NAALADL2: variants seen among roughly 807,000 people sequenced by gnomAD.
The protein encoded by NAALADL2 is N-acetylated alpha-linked acidic dipeptidase like 2.
Under a neutral mutation model 87.2 loss-of-function variants are expected in NAALADL2, and 76 were observed. That is an observed-to-expected ratio of 0.87 (90% CI 0.72 to 1.05). The LOEUF (loss-of-function observed/expected upper bound fraction) is 1.05. Among genes scored for constraint, NAALADL2 ranks in the 50% least tolerant of loss-of-function variants. NAALADL2 has a pLI of 0.00. For missense variants in NAALADL2, 1,089 were observed against 945.8 expected, an observed-to-expected ratio of 1.15 and a Z score of -1.99; for synonymous variants, 354 against 331.0, an observed-to-expected ratio of 1.07 and a Z score of -0.75.
At chr3:175,790,069 A>T (rs1313493165) in intron 13 of NAALADL2, among the ~76,000 whole-genome samples, 1 of 152,160 alleles carries the variant, frequency 6.6e-6, no homozygotes, top group Non-Finnish European at 1.5e-5. Context: ...AAAATTTCAA[A>T]ATACTTACTA....
At chr3:175,320,676 A>C (rs1336323296) in intron 4 of NAALADL2, among the ~76,000 whole-genome samples, 8 of 152,240 alleles carry the variant, frequency 5.3e-5, no homozygotes, top group Admixed American at 5.2e-4. Context: ...CATAATGGTC[A>C]CAACAACTCT....
intron 2 of NAALADL2, among the ~76,000 whole-genome samples, chr3:175,189,557 T>C (rs888738677): frequency 6.6e-6 from 1 of 152,184 alleles, no homozygotes; most frequent in Non-Finnish European, 1.5e-5. Context: ...ATAACATTAA[T>C]GAAATAAATT....
intron 10 of NAALADL2, among the ~76,000 whole-genome samples, chr3:175,594,416 T>C (rs926429128): frequency 2.0e-5 from 3 of 152,064 alleles, no homozygotes; most frequent in African/African-American, 7.2e-5. Context: ...CCTAGGTTAA[T>C]TCCATGCCTT....
At chr3:175,073,071 G>C (rs1337440733) in intron 1 of NAALADL2, among the ~76,000 whole-genome samples, 1 of 151,956 alleles carries the variant, frequency 6.6e-6, no homozygotes, top group Admixed American at 6.6e-5. Context: ...TTTAGAGTGT[G>C]CCAGCCTTGC....
intron 11 of NAALADL2, among the ~76,000 whole-genome samples, chr3:175,735,608 A>C (rs1305720965): frequency 6.6e-6 from 1 of 152,198 alleles, no homozygotes; most frequent in East Asian, 1.9e-4. Context: ...GGATGGTGGC[A>C]GGAAAAAAGA....
intron 2 of NAALADL2, among the ~76,000 whole-genome samples, chr3:174,569,379 A>T (rs1267238704): frequency 6.6e-6 from 1 of 152,112 alleles, no homozygotes. Context: ...ATTAATTTTC[A>T]TATGAAAAGC....
intron 9 of NAALADL2, among the ~76,000 whole-genome samples, chr3:175,475,271 T>A (rs1465740353): frequency 1.3e-5 from 2 of 152,110 alleles, no homozygotes; most frequent in Non-Finnish European, 2.9e-5. Context: ...GATGTACAGG[T>A]GAGTGACCTC....
chr3:175,619,471 G>A (rs1368464320), intron 10 of NAALADL2, among the ~76,000 whole-genome samples: 8 of 143,438 alleles, frequency 5.6e-5, no homozygotes, highest in African/African-American at 1.3e-4. Context: ...AACATGGTGG[G>A]AAAAAAAAAA....
In NAALADL2 at chr3:174,797,577, A is replaced by G. The variant is rs74552922; in HGVS notation, c.-9+59831A>G. Among the ~76,000 whole-genome samples the G allele has an allele frequency of 5.8e-3, 888 of 151,844 alleles. 3 individuals are homozygous for G. Among genetic ancestry groups the G allele is most frequent in the African/African-American group, 0.014 (571 of 41,430 alleles). On this transcript the variant is annotated intron_variant, in intron 3 of 3. Coordinates refer to the NAALADL2 transcript ENST00000434257. ...TCTATTTTTATACCACTTCCATGCTATCTCTGCTATTATAACCTGGTAGTA... is the reference window on the plus strand; with the variant it reads ...TCTATTTTTATACCACTTCCATGCTGTCTCTGCTATTATAACCTGGTAGTA...
In NAALADL2 at chr3:174,865,773, A is replaced by G. The variant is rs181750907; in HGVS notation, c.43+6323A>G. Among the ~76,000 whole-genome samples the G allele has an allele frequency of 2.6e-5, 4 of 152,048 alleles. No individual in the cohort carries two copies. The East Asian group carries it at 7.7e-4, about 29-fold the overall frequency. The stretch of plus-strand genomic sequence containing the variant: ...GATTTGAAATTTCCTTGGCAGTTTG[A>G]TAAACTGGAATAAGTGACCAGAAGG... On this transcript the variant is annotated intron_variant, in intron 1 of 13. Coordinates refer to ENST00000454872, the MANE Select transcript of NAALADL2 (RefSeq NM_207015.3).
intron 10 of NAALADL2, among the ~76,000 whole-genome samples, chr3:175,588,029 A>AG (rs1560806274): frequency 6.6e-6 from 1 of 151,768 alleles, no homozygotes; most frequent in Non-Finnish European, 1.5e-5. Flanking sequence ...CTTGATCAAA[A>AG]GGGGAGTTGT....
chr3:175,803,761 CACTGG>C lies in NAALADL2; in HGVS notation c.*559_*563del. 6.6e-6 allele frequency: 1 copy of C among 152,272 alleles called. No homozygotes were observed. Among genetic ancestry groups the C allele is most frequent in the Non-Finnish European group, 1.5e-5 (1 of 67,934 alleles). 9.4% of individuals were successfully genotyped at this position (152,272 alleles called of 1,614,324 possible). A position where few individuals can be genotyped will look rare whatever the true frequency, so the allele number is the denominator to read the frequency against. ...CTTAACACAACTAGATGTAGTAATA[CACTGG>C]TTATGAAATTGTATTTTTTTAAGTA... On this transcript the variant is annotated 3_prime_UTR_variant, in exon 14 of 14. Transcript: ENST00000454872.
intron 2 of NAALADL2, among the ~76,000 whole-genome samples, chr3:174,636,337 AT>A (rs2108714433): frequency 6.6e-6 from 1 of 152,344 alleles, no homozygotes; most frequent in Non-Finnish European, 1.5e-5. Context: ...AAGCTGACAA[AT>A]GAGACTATAT....
At chr3:174,630,983 C>T (rs73044509) in intron 2 of NAALADL2, among the ~76,000 whole-genome samples, 7,555 of 152,158 alleles carry the variant, frequency 0.05, 667 homozygotes, top group African/African-American at 0.17. Context: ...TTTCACACAC[C>T]ACTCCAGAAG....
chr3:175,119,961 GA>G (rs11366532), intron 2 of NAALADL2, among the ~76,000 whole-genome samples: 90,155 of 149,256 alleles, frequency 0.6, 27,731 homozygotes, highest in African/African-American at 0.73. Flanking sequence ...ACAAGGGTGA[GA>G]GGGGAAAGGC....
At chr3:175,068,802 C>A (rs1715020044) in intron 1 of NAALADL2, among the ~76,000 whole-genome samples, 4 of 152,098 alleles carry the variant, frequency 2.6e-5, no homozygotes, top group Admixed American at 2.6e-4. Context: ...TGGGACGCAA[C>A]ATTTGCAATC....
intron 2 of NAALADL2, among the ~76,000 whole-genome samples, chr3:175,185,109 C>T (rs1055814696): frequency 1.3e-5 from 2 of 152,006 alleles, no homozygotes; most frequent in African/African-American, 2.4e-5. Context: ...ACATGCTATG[C>T]TGGGAAGATA....
chr3:174,843,234 T>C (rs1361397376), intron 3 of NAALADL2, among the ~76,000 whole-genome samples: 1 of 152,112 alleles, frequency 6.6e-6, no homozygotes. Context: ...TACTATCTGA[T>C]CAATCTCTTC....
chr3:175,499,572 C>T (rs1041329261), intron 9 of NAALADL2, among the ~76,000 whole-genome samples: 14 of 151,422 alleles, frequency 9.2e-5, no homozygotes, highest in Admixed American at 6.6e-4. Flanking sequence ...TTTTTGCACC[C>T]GACTTAAGTT....
Sources: gnomAD v4.1 joint callset for allele counts (sites outside exome capture counted in the v4.1 genomes callset) on GRCh38, gnomAD v4.1.1 for gene constraint, MANE v1.5 for transcripts, NCBI Gene and HGNC (gene_info 2026-07-23, HGNC 2026-07-21) for gene names.